ODAD2: variants seen among roughly 807,000 people sequenced by gnomAD.
ODAD2 encodes the protein outer dynein arm-docking complex subunit 2.
Under a neutral mutation model 106.8 loss-of-function variants are expected in ODAD2, and 89 were observed. The ratio of observed to expected loss-of-function variants is 0.83; its 90% CI spans 0.70 to 0.99. ODAD2 has a LOEUF of 0.99. ODAD2 is among the 50% of genes least tolerant of loss of function. ODAD2 has a pLI of 0.00. For synonymous variants in ODAD2, 404 were observed against 436.2 expected (o/e 0.93, Z 0.92); for missense variants, 1,168 against 1,238.5 (o/e 0.94, Z 0.85).
chr10:27,908,289 AG>A (rs1843740968), intron 16 of ODAD2, among the ~76,000 whole-genome samples: 1 of 152,212 alleles, frequency 6.6e-6, no homozygotes, highest in South Asian at 2.1e-4. Flanking sequence ...CATGAATAAC[AG>A]GTAACTTGTT....
chr10:27,813,621 C>T (rs1055805686), intron 19 of ODAD2, among the ~76,000 whole-genome samples: 6 of 152,092 alleles, frequency 3.9e-5, no homozygotes, highest in South Asian at 2.1e-4. Flanking sequence ...TGCCAAAAAA[C>T]GAGGATGATT....
At chr10:27,876,326 G>A (rs555638928) in intron 17 of ODAD2, among the ~76,000 whole-genome samples, 107 of 152,208 alleles carry the variant, frequency 7.0e-4, no homozygotes, top group Admixed American at 1.9e-3. Flanking sequence ...CCACACTGCC[G>A]GGTACCCCTC....
intron 10 of ODAD2, among the ~76,000 whole-genome samples, chr10:27,946,086 TATTC>T (rs1215638825): frequency 2.7e-5 from 4 of 148,994 alleles, no homozygotes; most frequent in Non-Finnish European, 1.5e-5. Flanking sequence ...TTTATAAATT[TATTC>T]ATTATCTACT....
At chr10:27,992,435 T>C (rs1327639343) in intron 2 of ODAD2, among the ~76,000 whole-genome samples, 1 of 152,164 alleles carries the variant, frequency 6.6e-6, no homozygotes, top group African/African-American at 2.4e-5. Flanking sequence ...AGGTCTGAAA[T>C]ACCAGCAATT....
At chr10:27,841,816 G>C (rs1564416650) in intron 19 of ODAD2, among the ~76,000 whole-genome samples, 1 of 152,036 alleles carries the variant, frequency 6.6e-6, no homozygotes, top group Non-Finnish European at 1.5e-5. Context: ...GTATGGTAGT[G>C]CATTCACAGC....
intron 16 of ODAD2, among the ~76,000 whole-genome samples, chr10:27,921,138 A>T (rs1190195787): frequency 2.6e-5 from 4 of 152,084 alleles, no homozygotes; most frequent in African/African-American, 9.7e-5. Context: ...AATCCTGGGC[A>T]CTTACAAAAT....
At chr10:27,881,238 A>G (rs369450929) in intron 17 of ODAD2, among the ~76,000 whole-genome samples, 2 of 152,234 alleles carry the variant, frequency 1.3e-5, no homozygotes, top group East Asian at 1.9e-4. Context: ...AATCAATCTA[A>G]TGAATAACCA....
chr10:27,931,770 C>T (rs1039424168), intron 16 of ODAD2, among the ~76,000 whole-genome samples: 9 of 148,038 alleles, frequency 6.1e-5, no homozygotes, highest in Non-Finnish European at 1.3e-4. Flanking sequence ...GATAACCTGG[C>T]AATGACTTAC....
intron 17 of ODAD2, among the ~76,000 whole-genome samples, chr10:27,898,915 C>T (rs768067364): frequency 3.9e-5 from 6 of 152,106 alleles, no homozygotes; most frequent in Non-Finnish European, 7.4e-5. Flanking sequence ...ACACACATTA[C>T]AATTCGCTTT....
Position 27,905,875 on chromosome 10 carries a change from A to T in ODAD2, c.2610+1788T>A, listed in dbSNP as rs527901074. On this transcript the variant is annotated intron_variant, in intron 17 of 19. Coordinates refer to ENST00000305242, the MANE Select transcript of ODAD2 (RefSeq NM_018076.5). ...TTATACAAAAATTAACTCAAGATGGATTAAAGACTTAAATGTAAGACCTAA... is the reference window on the plus strand; with the variant it reads ...TTATACAAAAATTAACTCAAGATGGTTTAAAGACTTAAATGTAAGACCTAA... Among the ~76,000 whole-genome samples the T allele has an allele frequency of 2.6e-5, 4 of 152,236 alleles. No homozygotes were observed. In the South Asian group the frequency reaches 8.3e-4, roughly 32 times the overall value.
chr10:27,955,378 C>T (rs1348455138), intron 10 of ODAD2, among the ~76,000 whole-genome samples: 1 of 152,052 alleles, frequency 6.6e-6, no homozygotes, highest in South Asian at 2.1e-4. Flanking sequence ...CAGGAAGATA[C>T]AACAGCAAGT....
intron 16 of ODAD2, among the ~76,000 whole-genome samples, chr10:27,930,808 C>T (rs59329138): frequency 6.6e-6 from 1 of 151,990 alleles, no homozygotes; most frequent in Non-Finnish European, 1.5e-5. Flanking sequence ...CCTGCAATCC[C>T]TTTCACACTG....
Position 27,924,012 on chromosome 10 carries a change from A to AGAG in ODAD2, c.2495+10997_2495+10998insCTC, listed in dbSNP as rs1564509324. Among the ~76,000 whole-genome samples the AGAG allele has an allele frequency of 6.6e-3, 745 of 113,258 alleles. 51 individuals carry two copies. Among genetic ancestry groups the AGAG allele is most frequent in the African/African-American group, 0.029 (715 of 24,582 alleles). The allele number at this position is 113,258 out of a possible 152,430, so 74.3% of individuals were successfully genotyped here. A position where few individuals can be genotyped will look rare whatever the true frequency, so the allele number is the denominator to read the frequency against. ...AAAGAAAGAAAGAAAGAAAGAAAGA[A>AGAG]AGAAAGAAAGAAGGAAAGAGAAAGA... On this transcript the variant is annotated intron_variant, in intron 16 of 19. Coordinates refer to ENST00000305242, the MANE Select transcript of ODAD2 (RefSeq NM_018076.5).
At chr10:27,937,271 G>C (rs1006873724) in intron 14 of ODAD2, among the ~76,000 whole-genome samples, 1 of 151,834 alleles carries the variant, frequency 6.6e-6, no homozygotes, top group African/African-American at 2.4e-5. Context: ...TAGGGATTTG[G>C]TCAGCTCTTC....
At chr10:27,857,955 G>A (rs1839775469) in intron 19 of ODAD2, among the ~76,000 whole-genome samples, 1 of 152,172 alleles carries the variant, frequency 6.6e-6, no homozygotes, top group Non-Finnish European at 1.5e-5. Flanking sequence ...CCAGGGTTTT[G>A]CCAAAATACT....
chr10:27,922,307 C>T (rs569682410), intron 16 of ODAD2, among the ~76,000 whole-genome samples: 64 of 149,430 alleles, frequency 4.3e-4, no homozygotes, highest in African/African-American at 1.5e-3. Context: ...CACCCCTGAG[C>T]CCTTTTTGAA....
intron 17 of ODAD2, among the ~76,000 whole-genome samples, chr10:27,893,466 G>A (rs2133729355): frequency 6.6e-6 from 1 of 152,286 alleles, no homozygotes. Flanking sequence ...CGTAGCTGGT[G>A]CTTTCTTCCC....
Position 27,924,030 on chromosome 10 carries a change from G to GAA in ODAD2, c.2495+10979_2495+10980insTT, listed in dbSNP as rs1554810903. ...AGAAAGAAAGAAAGAAAGAAGGAAAGAGAAAGAAAGAAGGAAAGAGAAAGA... is the reference window on the plus strand; with the variant it reads ...AGAAAGAAAGAAAGAAAGAAGGAAAGAAAGAAAGAAAGAAGGAAAGAGAAAGA... On this transcript the variant is annotated intron_variant, in intron 16 of 19. Coordinates refer to ENST00000305242, the MANE Select transcript of ODAD2 (RefSeq NM_018076.5). Among the ~76,000 whole-genome samples, 63 of 103,814 alleles carry GAA rather than the reference G, an allele frequency of 6.1e-4. 1 individual carries two copies. The highest frequency in any genetic ancestry group is 1.3e-3 in the East Asian group (4 of 3,064). 68.1% of individuals were successfully genotyped at this position (103,814 alleles called of 152,430 possible).
chr10:27,996,805 G>C (rs908864932), intron 1 of ODAD2, among the ~76,000 whole-genome samples: 6 of 152,192 alleles, frequency 3.9e-5, no homozygotes, highest in Non-Finnish European at 7.3e-5. Flanking sequence ...TGGCACATCT[G>C]TATCAGTCTG....
Sources: gnomAD v4.1 joint callset for allele counts (sites outside exome capture counted in the v4.1 genomes callset) on GRCh38, gnomAD v4.1.1 for gene constraint, MANE v1.5 for transcripts, NCBI Gene and HGNC (gene_info 2026-07-23, HGNC 2026-07-21) for gene names.